MSL2: variants seen among roughly 807,000 people sequenced by gnomAD.
MSL2 encodes MSL complex subunit 2.
A neutral mutation model predicts 35.8 loss-of-function variants in MSL2; 2 were observed. The ratio of observed to expected loss-of-function variants is 0.06; its 90% CI spans 0.02 to 0.18. MSL2 has a LOEUF of 0.18. Ranked by LOEUF, MSL2 falls within the 10% of genes least tolerant of loss-of-function variation. MSL2 has a pLI of 1.00. For missense variants in MSL2, 523 were observed against 706.7 expected, an observed-to-expected ratio of 0.74 and a Z score of 2.95; for synonymous variants, 296 against 255.7, an observed-to-expected ratio of 1.16 and a Z score of -1.50.
At chr3:136,170,876 C>A (rs1940005619) in intron 1 of MSL2, among the ~76,000 whole-genome samples, 1 of 151,912 alleles carries the variant, frequency 6.6e-6, no homozygotes, top group African/African-American at 2.4e-5. Context: ...CAGGGGGATA[C>A]CTTTTTAATT....
chr3:136,156,924 AAGAAG>A (rs1939546419), intron 1 of MSL2, among the ~76,000 whole-genome samples: 1 of 151,430 alleles, frequency 6.6e-6, no homozygotes, highest in Admixed American at 6.6e-5. Flanking sequence ...TTAACTGTTG[AAGAAG>A]AGAAAATGTT....
rs778994248 is a variant in MSL2, at chr3:136,151,566, G to T, written c.1315C>A (p.Pro439Thr). Residue 439 changes from proline (P) to threonine (T), a missense_variant, in exon 2 of 2, where the codon CCT becomes ACT. Physicochemically the swap from Pro to Thr is conservative, Grantham distance 38. This residue lies in a region of MSL2 where 361 missense variants were observed against 414.6 expected (regional missense o/e 0.87). Coordinates refer to ENST00000309993, the MANE Select transcript of MSL2 (RefSeq NM_018133.4). The surrounding 1 kb of genome is among the most constrained non-coding windows in gnomAD (Gnocchi z 5.2). ...KKDKAVKEKI[P>T]SHHFMPGSPT... ...CTTCCTGGCATAAAATGATGACTAG[G>T]AATCTTTTCCTTTACTGCTTTGTCT... 2 of 1,614,018 alleles carry T rather than the reference G, an allele frequency of 1.2e-6. No individual in the cohort carries two copies. The highest frequency in any genetic ancestry group is 2.2e-5 in the East Asian group (1 of 44,902).
At chr3:136,183,318 G>A (rs574200442) in intron 1 of MSL2, among the ~76,000 whole-genome samples, 10 of 152,316 alleles carry the variant, frequency 6.6e-5, no homozygotes, top group Non-Finnish European at 1.3e-4. Context: ...CACTTTGGGA[G>A]GCCAAGGTAG....
intron 1 of MSL2, among the ~76,000 whole-genome samples, chr3:136,183,044 A>C (rs1322129742): frequency 6.6e-6 from 1 of 152,168 alleles, no homozygotes; most frequent in Non-Finnish European, 1.5e-5. Flanking sequence ...TCTCCAAGTA[A>C]CTTAGCCTCA....
chr3:136,176,515 CAAAAAAAAA>C (rs771021498), intron 1 of MSL2, among the ~76,000 whole-genome samples: 13 of 54,154 alleles, frequency 2.4e-4, no homozygotes, highest in South Asian at 6.5e-4. Flanking sequence ...GACCCTCTCT[CAAAAAAAAA>C]AAAAAAAAAA....
intron 1 of MSL2, among the ~76,000 whole-genome samples, chr3:136,172,694 TA>T (rs1456760489): frequency 6.6e-6 from 1 of 152,134 alleles, no homozygotes; most frequent in African/African-American, 2.4e-5. Context: ...TCCCTTTCAG[TA>T]ATCCTTAGTA....
chr3:136,194,891 C>G, intron 1 of MSL2, 81 bp downstream of exon 1: 1 of 1,587,482 alleles, frequency 6.3e-7, no homozygotes, highest in Admixed American at 1.8e-5. Flanking sequence ...AACCACCAGG[C>G]CGTCAACCCG....
chr3:136,167,803 T>C (rs561122054), intron 1 of MSL2, among the ~76,000 whole-genome samples: 9 of 152,280 alleles, frequency 5.9e-5, no homozygotes, highest in Admixed American at 3.9e-4. Context: ...GGAAAATATT[T>C]GGAATGGAAA....
chr3:136,172,758 C>T (rs1940062736), intron 1 of MSL2, among the ~76,000 whole-genome samples: 2 of 151,970 alleles, frequency 1.3e-5, no homozygotes, highest in African/African-American at 4.8e-5. Flanking sequence ...ATGTGTACGT[C>T]TTCAGTTCAA....
Position 136,151,492 on chromosome 3 carries a change from T to C in MSL2, c.1389A>G (p.Lys463=). 6.2e-7 allele frequency: 1 copy of C among 1,614,210 alleles called. No homozygotes were observed. The highest frequency in any genetic ancestry group is 8.5e-7 in the Non-Finnish European group (1 of 1,180,030). ...TTGGATTTTGAGTAGCACGCCCACA[T>C]TTACACCCTTTCTTTTCCTGGGGTT... is the stretch of plus-strand genomic sequence containing the variant. The part of the protein sequence containing the change: ...YKKPQEKKGC[K]CGRATQNPSV... The change falls in exon 2 of 2, where the codon AAA becomes AAG. Residue 463 remains lysine (K), a synonymous_variant. Coordinates refer to ENST00000309993, the MANE Select transcript of MSL2 (RefSeq NM_018133.4). The surrounding 1 kb of genome is among the most constrained non-coding windows in gnomAD (Gnocchi z 5.2).
At chr3:136,169,005 C>T (rs1939932997) in intron 1 of MSL2, among the ~76,000 whole-genome samples, 1 of 151,992 alleles carries the variant, frequency 6.6e-6, no homozygotes, top group African/African-American at 2.4e-5. Context: ...CCAGCCATAT[C>T]ACACGGCTGT....
At chr3:136,154,601 T>C (rs1342573562) in intron 1 of MSL2, among the ~76,000 whole-genome samples, 2 of 151,468 alleles carry the variant, frequency 1.3e-5, no homozygotes, top group African/African-American at 4.8e-5. Flanking sequence ...TCCCCAAGTA[T>C]CTGGAAATTA....
At chr3:136,191,581 A>T (rs1940692321) in intron 1 of MSL2, among the ~76,000 whole-genome samples, 1 of 152,100 alleles carries the variant, frequency 6.6e-6, no homozygotes, top group South Asian at 2.1e-4. Context: ...GGAGTTCAAG[A>T]CCTGCCTGGG....
rs367862548 is a variant in MSL2 at position 136,194,662 on chromosome 3, GAAAA to G, written c.142+306_142+309del. 21 of 183,488 alleles carry G rather than the reference GAAAA, an allele frequency of 1.1e-4. No individual in the cohort carries two copies. The East Asian group carries it at 2.0e-3, about 17-fold the overall frequency. 11.4% of individuals were successfully genotyped at this position (183,488 alleles called of 1,614,324 possible). ...ATCAGCTCCCGCGGCAAAGGTTTAA[GAAAA>G]AAAAAAAAAAAGCCTTGTGCATGCA... On this transcript the variant is annotated intron_variant, in intron 1 of 1. Coordinates refer to ENST00000309993, the MANE Select transcript of MSL2 (RefSeq NM_018133.4).
At chr3:136,161,090 A>G (rs1939696831) in intron 1 of MSL2, among the ~76,000 whole-genome samples, 2 of 152,208 alleles carry the variant, frequency 1.3e-5, no homozygotes. Context: ...CCATCTCAAA[A>G]AATAAAGTAA....
At chr3:136,159,667 G>C (rs1458944765) in intron 1 of MSL2, among the ~76,000 whole-genome samples, 3 of 151,748 alleles carry the variant, frequency 2.0e-5, no homozygotes, top group Non-Finnish European at 4.4e-5. Flanking sequence ...ACCACGCCTG[G>C]CCAAGGAGAG....
chr3:136,180,030 A>T (rs572627457), intron 1 of MSL2, among the ~76,000 whole-genome samples: 64 of 152,200 alleles, frequency 4.2e-4, no homozygotes, highest in Non-Finnish European at 7.5e-4. Context: ...CCTCCACTGC[A>T]CTCCAGCTTG....
intron 1 of MSL2, among the ~76,000 whole-genome samples, chr3:136,157,430 G>A (rs1939566369): frequency 1.3e-5 from 2 of 152,052 alleles, no homozygotes; most frequent in African/African-American, 4.8e-5. Flanking sequence ...TTGAACCTGG[G>A]AGGAGAGGTT....
At position 136,167,054 on chromosome 3, in the gene MSL2, AG is replaced by A. The variant is rs563346220; in HGVS notation, c.143-14317del. Among the ~76,000 whole-genome samples, 80 of 152,308 alleles carry A rather than the reference AG, an allele frequency of 5.3e-4. 1 individual carries two copies. The highest frequency in any genetic ancestry group is 8.5e-4 in the Admixed American group (13 of 15,302). On this transcript the variant is annotated intron_variant, in intron 1 of 1. Transcript: ENST00000309993. ...AATTAAGTTTATGGAAATGAGGAGA[AG>A]GGGCACAAGAAAAAAAATATATAAA... is the stretch of plus-strand genomic sequence containing the variant.
Sources: allele counts gnomAD v4.1 joint callset (sites outside exome capture counted in the v4.1 genomes callset), GRCh38; gene constraint gnomAD v4.1.1; regional missense constraint gnomAD v4.1.1; non-coding constraint Gnocchi (gnomAD v3.1); transcripts MANE v1.5; gene names NCBI Gene and HGNC (gene_info 2026-07-23, HGNC 2026-07-21).